The following DNPEP variants were observed in gnomAD, a reference collection of about 807,000 sequenced individuals.
The protein encoded by DNPEP is aspartyl aminopeptidase.
Under a neutral mutation model 59.1 loss-of-function variants are expected in DNPEP, and 46 were observed. The observed-to-expected ratio is 0.78, with a 90% CI of 0.61 to 0.99. The LOEUF is 0.99. DNPEP is among the 50% of genes least tolerant of loss of function. The pLI is 0.00. For synonymous variants in DNPEP, 229 were observed against 242.2 expected, an observed-to-expected ratio of 0.95 and a Z score of 0.50; for missense variants, 617 against 649.9, an observed-to-expected ratio of 0.95 and a Z score of 0.55.
intron 14 of DNPEP, 74 bp downstream of exon 14, chr2:219,374,778 ATGT>A (rs1470901016): frequency 2.2e-5 from 33 of 1,517,834 alleles, no homozygotes; most frequent in East Asian, 4.6e-5. Context: ...TGTGATGGCG[ATGT>A]TGTCCCAGCA....
intron 1 of DNPEP, chr2:219,387,540 C>A (rs925775041): frequency 7.0e-7 from 1 of 1,438,528 alleles, no homozygotes; most frequent in African/African-American, 1.5e-5. Context: ...AAGCCCTGTA[C>A]CCCAAGGAGC....
At position 219,384,468 on chromosome 2, in the gene DNPEP, G is replaced by A. The variant is rs756048332; in HGVS notation, c.775-25C>T. On this transcript the variant is annotated intron_variant, in intron 8 of 14. Coordinates refer to ENST00000273075, the MANE Select transcript of DNPEP (RefSeq NM_012100.4). ...CCTAGAGAGGTAAGACAGTCAGCCC[G>A]ACCTTCAACCCTCCACCCCCACTCA... 6.0e-5 allele frequency: 95 copies of A among 1,590,358 alleles called. No homozygotes were observed. In the Admixed American group the frequency reaches 1.4e-3, roughly 24 times the overall value.
intron 13 of DNPEP, among the ~76,000 whole-genome samples, chr2:219,375,887 C>G (rs187454727): frequency 6.6e-6 from 1 of 152,142 alleles, no homozygotes; most frequent in East Asian, 1.9e-4. Flanking sequence ...TTTTTTCTTG[C>G]TATGTCCATG....
chr2:219,385,946 C>T lies in DNPEP; in HGVS notation c.590+22G>A, dbSNP rs370821247. 4.2e-5 allele frequency: 67 copies of T among 1,612,926 alleles called. No individual in the cohort carries two copies. In the Middle Eastern group the frequency reaches 4.9e-4, roughly 12 times the overall value. On this transcript the variant is annotated intron_variant, in intron 6 of 14. Transcript: ENST00000273075. The stretch of plus-strand genomic sequence containing the variant: ...ACCATTCTCCATCCCTCCCAGCCAC[C>T]GCAGCCCTGCCCCAGTCTCACAGAT...
At chr2:219,397,746 T>C (rs927838192) in intron 1 of DNPEP, among the ~76,000 whole-genome samples, 1 of 152,202 alleles carries the variant, frequency 6.6e-6, no homozygotes, top group African/African-American at 2.4e-5. Flanking sequence ...TGTGCCACCA[T>C]GCCTGGCTAA....
At chr2:219,385,236 T>G in intron 8 of DNPEP, 188 bp downstream of exon 8, 1 of 565,988 alleles carries the variant, frequency 1.8e-6, no homozygotes. Flanking sequence ...TGGGCAGGTC[T>G]GGGGTAGGGA....
chr2:219,388,730 T>C, upstream of DNPEP: 1 of 985,524 alleles, frequency 1.0e-6, no homozygotes, highest in Non-Finnish European at 1.2e-6. Context: ...TACAAAGTGC[T>C]GTCTCTCGCC....
chr2:219,386,668 G>C lies in DNPEP; in HGVS notation c.330C>G (p.Leu110=), dbSNP rs1953852750. The change falls in exon 4 of 15, where the codon CTC becomes CTG. Residue 110 remains leucine (L), a synonymous_variant. Coordinates refer to ENST00000273075, the MANE Select transcript of DNPEP (RefSeq NM_012100.4). ...CAACACCGTCCGAGTTCCTTACCCG[G>C]AGGCAGGGGCTGTCCGTGTGGGCCC... The part of the protein sequence containing the change: ...LIGAHTDSPC[L]RVKRRSRRSQ... 1 of 1,611,010 alleles carries C rather than the reference G, an allele frequency of 6.2e-7. No homozygotes were observed. Among genetic ancestry groups the C allele is most frequent in the South Asian group, 1.1e-5 (1 of 90,212 alleles).
chr2:219,399,787 AGTGC>A, intron 1 of DNPEP: 1 of 1,176,790 alleles, frequency 8.5e-7, no homozygotes, highest in Middle Eastern at 1.9e-4. Flanking sequence ...TGCCTAAGCC[AGTGC>A]GTGGCTCATG....
chr2:219,374,785 C>T, intron 14 of DNPEP, 70 bp downstream of exon 14: 1 of 1,546,226 alleles, frequency 6.5e-7, no homozygotes, highest in South Asian at 1.2e-5. Context: ...GCGATGTTGT[C>T]CCAGCAACCA....
Position 219,380,212 on chromosome 2 carries a change from TTTTTTTGGTTTTG to T in DNPEP, c.1239+1110_1239+1122del, listed in dbSNP as rs1360627386. Among the ~76,000 whole-genome samples, 5 of 150,372 alleles carry T rather than the reference TTTTTTTGGTTTTG, an allele frequency of 3.3e-5. No homozygotes were observed. In the East Asian group the frequency reaches 5.9e-4, roughly 18 times the overall value. ...TTTTCTTTTTCTTTTCTTTTTTTTT[TTTTTTTGGTTTTG>T]TTTTTTTGGAGACAGGGTCTCACTC... On this transcript the variant is annotated intron_variant, in intron 13 of 14. Transcript: ENST00000273075.
intron 1 of DNPEP, among the ~76,000 whole-genome samples, chr2:219,398,126 T>A (rs1022373968): frequency 7.9e-5 from 12 of 152,188 alleles, no homozygotes; most frequent in African/African-American, 2.9e-4. Flanking sequence ...AGTCATAACC[T>A]CATAATGTTA....
At position 219,382,135 on chromosome 2, in the gene DNPEP, C is replaced by A. The variant is rs766615900; in HGVS notation, c.941G>T (p.Gly314Val). 9.4e-5 allele frequency: 151 copies of A among 1,609,586 alleles called. No homozygotes were observed. Among genetic ancestry groups the A allele is most frequent in the Non-Finnish European group, 1.2e-4 (145 of 1,179,958 alleles). Residue 314 changes from glycine (G) to valine (V), a missense_variant, in exon 11 of 15, where the codon GGG becomes GTG. Physicochemically the swap from Gly to Val is moderately radical, Grantham distance 109. Coordinates refer to ENST00000273075, the MANE Select transcript of DNPEP (RefSeq NM_012100.4). ...MVTLYDNEEV[G>V]SESAQGAQSL... ...CTGTGCTCCCTGTGCACTCTCAGAC[C>A]CCACCTGGCGACAGTAGAGTCCTGA... is the stretch of plus-strand genomic sequence containing the variant.
intron 1 of DNPEP, among the ~76,000 whole-genome samples, chr2:219,397,090 A>G (rs1176543342): frequency 2.6e-5 from 4 of 152,214 alleles, no homozygotes; most frequent in African/African-American, 9.6e-5. Context: ...TAGTGACAGT[A>G]TAACAAAGTG....
rs1306177771 is a variant in DNPEP, at chr2:219,373,071, TTTC to T, written c.*1218_*1220del. ...TATAAGCAGGCTTTGACTTTTTCTT[TTTC>T]TTTTTTTTTTTTTGAGAGAGTTTCA... On this transcript the variant is annotated 3_prime_UTR_variant, in exon 15 of 15. Transcript: ENST00000273075. 6.6e-6 allele frequency among the ~76,000 whole-genome samples: 1 copy of T among 151,514 alleles called. No homozygotes were observed. The highest frequency in any genetic ancestry group is 1.5e-5 in the Non-Finnish European group (1 of 67,958).
Position 219,386,995 on chromosome 2 carries a change from C to A in DNPEP, c.131-15G>T. 1 of 1,613,952 alleles carries A rather than the reference C, an allele frequency of 6.2e-7. No individual in the cohort carries two copies. Among genetic ancestry groups the A allele is most frequent in the Admixed American group, 1.7e-5 (1 of 60,008 alleles). On this transcript the variant is annotated splice_polypyrimidine_tract_variant and intron_variant, in intron 2 of 14. Coordinates refer to ENST00000273075, the MANE Select transcript of DNPEP (RefSeq NM_012100.4). Reference sequence around the variant, plus strand: ...TTCAGCCACAGCTGTGGGAAAAGCACCCTCTCACAGCGATGGAAGCTGGTG... The same window carrying A: ...TTCAGCCACAGCTGTGGGAAAAGCAACCTCTCACAGCGATGGAAGCTGGTG...
At chr2:219,396,277 A>G (rs1204594130) in intron 1 of DNPEP, among the ~76,000 whole-genome samples, 2 of 152,124 alleles carry the variant, frequency 1.3e-5, no homozygotes, top group African/African-American at 4.8e-5. Flanking sequence ...CAGAATGCCC[A>G]GTTTAATTTG....
At chr2:219,379,330 T>C (rs977574063) in intron 13 of DNPEP, among the ~76,000 whole-genome samples, 1 of 151,958 alleles carries the variant, frequency 6.6e-6, no homozygotes, top group East Asian at 1.9e-4. Flanking sequence ...AGATAGCAGC[T>C]CCCTGCATGT....
intron 4 of DNPEP, 82 bp from the exon 5 acceptor site, chr2:219,386,493 C>T: frequency 6.3e-7 from 1 of 1,574,802 alleles, no homozygotes; most frequent in Admixed American, 1.7e-5. Flanking sequence ...AAGTAACAGA[C>T]AGCGAATATT....
Sources: allele counts gnomAD v4.1 joint callset (sites outside exome capture counted in the v4.1 genomes callset), GRCh38; gene constraint gnomAD v4.1.1; transcripts MANE v1.5; gene names NCBI Gene and HGNC (gene_info 2026-07-23, HGNC 2026-07-21).